Variants in LRGUK observed in about 807,000 individuals in gnomAD.
LRGUK encodes the protein leucine rich repeats and guanylate kinase domain containing, also known as leucine-rich repeat and guanylate kinase domain-containing protein.
A neutral mutation model predicts 76.0 loss-of-function variants in LRGUK; 65 were observed. The observed-to-expected ratio is 0.85, with a 90% CI of 0.70 to 1.05. The LOEUF (loss-of-function observed/expected upper bound fraction) is 1.05. LRGUK is among the 50% of genes least tolerant of loss of function. LRGUK has a pLI of 0.00. For synonymous variants in LRGUK, 268 were observed against 265.6 expected (o/e 1.01, Z -0.09); for missense variants, 758 against 732.8 (o/e 1.03, Z -0.40).
chr7:134,172,549 A>T (rs1028305875), intron 7 of LRGUK, among the ~76,000 whole-genome samples: 3 of 152,218 alleles, frequency 2.0e-5, no homozygotes, highest in Non-Finnish European at 2.9e-5. Context: ...GAAATACATC[A>T]GATTGCCCTA....
At chr7:134,264,344 G>A in exon 20 of LRGUK, 1 of 164,284 alleles carries the variant, frequency 6.1e-6, no homozygotes, top group Non-Finnish European at 1.3e-5. Flanking sequence ...ACCGTGATAT[G>A]CAGAGTGGCT....
chr7:134,144,665 T>C (rs1271791271), intron 4 of LRGUK, among the ~76,000 whole-genome samples: 2 of 152,226 alleles, frequency 1.3e-5, no homozygotes, highest in Non-Finnish European at 2.9e-5. Context: ...TGCACAAATA[T>C]GAAAATCTGT....
At chr7:134,143,874 G>A (rs1797868043) in intron 4 of LRGUK, among the ~76,000 whole-genome samples, 1 of 151,270 alleles carries the variant, frequency 6.6e-6, no homozygotes, top group African/African-American at 2.4e-5. Flanking sequence ...GTCTGGGGTG[G>A]GGCCTGAGCC....
chr7:134,138,931 A>G (rs1797644257), intron 2 of LRGUK, among the ~76,000 whole-genome samples: 1 of 152,196 alleles, frequency 6.6e-6, no homozygotes, highest in Non-Finnish European at 1.5e-5. Flanking sequence ...GCTGCCCTAC[A>G]GATTTCACAG....
At chr7:134,203,896 C>A (rs949227475) in intron 15 of LRGUK, among the ~76,000 whole-genome samples, 5 of 152,190 alleles carry the variant, frequency 3.3e-5, no homozygotes, top group African/African-American at 1.2e-4. Flanking sequence ...TGCCTTAATT[C>A]TTTGCTACCC....
chr7:134,153,231 C>T (rs1798305680), intron 5 of LRGUK, among the ~76,000 whole-genome samples: 1 of 151,844 alleles, frequency 6.6e-6, no homozygotes, highest in Non-Finnish European at 1.5e-5. Context: ...ATCAGTTGAG[C>T]TAGTAATACT....
At chr7:134,168,573 A>G (rs1799098183) in intron 7 of LRGUK, among the ~76,000 whole-genome samples, 1 of 152,158 alleles carries the variant, frequency 6.6e-6, no homozygotes, top group Non-Finnish European at 1.5e-5. Flanking sequence ...GATCACAGGA[A>G]TGGCTTGAGC....
At chr7:134,213,800 T>A (rs1801358823), downstream of LRGUK, among the ~76,000 whole-genome samples, 1 of 152,220 alleles carries the variant, frequency 6.6e-6, no homozygotes, top group South Asian at 2.1e-4. Flanking sequence ...GTGCTATTAT[T>A]GATTCTCTTG....
intron 10 of LRGUK, among the ~76,000 whole-genome samples, chr7:134,181,721 A>G (rs1315874240): frequency 2.6e-5 from 4 of 152,216 alleles, no homozygotes; most frequent in African/African-American, 9.6e-5. Context: ...AAGTTGTAAG[A>G]AATAATACAG....
At chr7:134,150,651 A>G (rs995338730) in intron 5 of LRGUK, among the ~76,000 whole-genome samples, 3 of 152,164 alleles carry the variant, frequency 2.0e-5, no homozygotes, top group South Asian at 2.1e-4. Context: ...AAAACATTCT[A>G]TGTTTTGGCA....
the LRGUK span, among the ~76,000 whole-genome samples, chr7:134,271,020 C>A: frequency 1.3e-5 from 2 of 151,974 alleles, no homozygotes; most frequent in African/African-American, 2.4e-5. Context: ...AATGTAATCT[C>A]ATTGTGGTGT....
rs61753515 is a variant in LRGUK, at chr7:134,258,285, T to C, written c.2227T>C (p.Cys743Arg). ...GAAGGATTCCTTGGTTTCCATGAAA[T>C]GTTCATTGTTTCGGTTCTGTCCGTG... Residue 743 changes from cysteine to arginine, a missense_variant, in exon 19 of 20, where the codon TGT becomes CGT. Transcript: ENST00000285928. 4,944 of 1,614,122 alleles carry C rather than the reference T, an allele frequency of 3.1e-3. 5 individuals carry two copies. Among genetic ancestry groups the C allele is most frequent in the Non-Finnish European group, 3.7e-3 (4,311 of 1,179,986 alleles).
chr7:134,231,504 GTTCCTTCCTTCCTCCC>G (rs1346621530), intron 16 of LRGUK, among the ~76,000 whole-genome samples: 21 of 98,298 alleles, frequency 2.1e-4, no homozygotes, highest in Admixed American at 5.1e-4. Flanking sequence ...TCCTTCCTTC[GTTCCTTCCTTCCTCCC>G]TTCCTTCCTT....
downstream of LRGUK, among the ~76,000 whole-genome samples, chr7:134,214,852 T>C (rs1047777852): frequency 6.6e-6 from 1 of 151,526 alleles, no homozygotes; most frequent in South Asian, 2.1e-4. Context: ...CAGCCTTACA[T>C]TCTATTTTGA....
chr7:134,229,270 T>C (rs1801832372), intron 16 of LRGUK, among the ~76,000 whole-genome samples: 1 of 151,600 alleles, frequency 6.6e-6, no homozygotes, highest in Non-Finnish European at 1.5e-5. Flanking sequence ...GGCTGAGGCA[T>C]GAGAATCGCT....
chr7:134,185,629 C>T (rs1799953204), intron 11 of LRGUK, among the ~76,000 whole-genome samples: 1 of 151,734 alleles, frequency 6.6e-6, no homozygotes, highest in African/African-American at 2.4e-5. Context: ...TTGTGTATGG[C>T]AAAGAAATTA....
intron 15 of LRGUK, among the ~76,000 whole-genome samples, chr7:134,207,352 C>G (rs1366571598): frequency 6.6e-6 from 1 of 152,166 alleles, no homozygotes; most frequent in Non-Finnish European, 1.5e-5. Context: ...AATCTACTTT[C>G]TTTTCTCTAT....
At chr7:134,178,802 T>C (rs1257239956) in intron 10 of LRGUK, among the ~76,000 whole-genome samples, 193 bp downstream of exon 10, 1 of 151,706 alleles carries the variant, frequency 6.6e-6, no homozygotes, top group Non-Finnish European at 1.5e-5. Flanking sequence ...ATTAATATCA[T>C]GTACTTGAGT....
At position 134,253,498 on chromosome 7, in the gene LRGUK, T is replaced by C. The variant is rs13229784; in HGVS notation, c.2198+4422T>C. Among the ~76,000 whole-genome samples, 940 of 152,350 alleles carry C rather than the reference T, an allele frequency of 6.2e-3. 7 individuals carry two copies. The highest frequency in any genetic ancestry group is 0.011 in the Non-Finnish European group (744 of 68,026). ...TTCTTCCGTATCATAGCAGAAATCCTATCTATTAAAAGATATGTTTAAAAT... is the reference window on the plus strand; with the variant it reads ...TTCTTCCGTATCATAGCAGAAATCCCATCTATTAAAAGATATGTTTAAAAT... On this transcript the variant is annotated intron_variant, in intron 18 of 19. Transcript: ENST00000285928.
Sources: gnomAD v4.1 joint callset for allele counts (sites outside exome capture counted in the v4.1 genomes callset) on GRCh38, gnomAD v4.1.1 for gene constraint, MANE v1.5 for transcripts, NCBI Gene and HGNC (gene_info 2026-07-23, HGNC 2026-07-21) for gene names.